The following PARVA variants were observed in gnomAD, a reference collection of about 807,000 sequenced individuals.
The protein encoded by PARVA is alpha-parvin.
A neutral mutation model predicts 52.6 loss-of-function variants in PARVA; 25 were observed. The observed-to-expected ratio is 0.48, with a 90% CI of 0.35 to 0.66. The LOEUF is 0.66. Ranked by LOEUF, PARVA falls within the 30% of genes least tolerant of loss-of-function variation. The pLI, the probability that PARVA is intolerant of heterozygous loss-of-function variation, is 0.01. For missense variants in PARVA, 373 were observed against 450.9 expected, an observed-to-expected ratio of 0.83 and a Z score of 1.56; for synonymous variants, 185 against 179.1, an observed-to-expected ratio of 1.03 and a Z score of -0.26.
rs369333129 is a variant in PARVA, at chr11:12,414,274, T to G, written c.136+36491T>G. On this transcript the variant is annotated intron_variant, in intron 1 of 12. Transcript: ENST00000334956. ...AACAAAAAGAGCTAGAGATGCCCGT[T>G]AGGAGTTTACATTTTACAACAGCCC... is the stretch of plus-strand genomic sequence containing the variant. Among the ~76,000 whole-genome samples the G allele has an allele frequency of 7.2e-5, 11 of 152,352 alleles. No individual in the cohort carries two copies. The East Asian group carries it at 1.3e-3, about 19-fold the overall frequency.
intron 1 of PARVA, 98 bp downstream of exon 1, chr11:12,377,881 GGTGCCCGGCGCGGTGGGGCGCGC>G (rs1565320868): frequency 1.2e-6 from 1 of 805,236 alleles, no homozygotes; most frequent in Non-Finnish European, 1.6e-6. Flanking sequence ...GCGCGCCGCG[GGTGCCCGGCGCGGTGGGGCGCGC>G]GGCGATGCGT....
chr11:12,419,030 G>T lies in PARVA; in HGVS notation c.136+41247G>T, dbSNP rs541937703. ...AATAACTTGCCGAAGTTATTAAGTG[G>T]TTGAATTTATGAAGTAACCAGGCTC... is the stretch of plus-strand genomic sequence containing the variant. On this transcript the variant is annotated intron_variant, in intron 1 of 12. Coordinates refer to ENST00000334956, the MANE Select transcript of PARVA (RefSeq NM_018222.5). Among the ~76,000 whole-genome samples, 52 of 152,244 alleles carry T rather than the reference G, an allele frequency of 3.4e-4. No homozygotes were observed. In the Middle Eastern group the frequency reaches 0.01, roughly 30 times the overall value.
chr11:12,379,538 A>G lies in PARVA; in HGVS notation c.136+1755A>G, dbSNP rs530806392. ...ACTAGGTCTTCTTATATCAAATGGTATATTTGTAACCATTAATCAACTTCT... is the reference window on the plus strand; with the variant it reads ...ACTAGGTCTTCTTATATCAAATGGTGTATTTGTAACCATTAATCAACTTCT... On this transcript the variant is annotated intron_variant, in intron 1 of 12. Transcript: ENST00000334956. Among the ~76,000 whole-genome samples, 13 of 152,362 alleles carry G rather than the reference A, an allele frequency of 8.5e-5. No individual in the cohort carries two copies. In the South Asian group the frequency reaches 2.7e-3, roughly 32 times the overall value.
In PARVA at chr11:12,529,457, A is replaced by C. The variant is rs1232720961; in HGVS notation, c.*1532A>C. On this transcript the variant is annotated 3_prime_UTR_variant, in exon 13 of 13. Coordinates refer to ENST00000334956, the MANE Select transcript of PARVA (RefSeq NM_018222.5). The stretch of plus-strand genomic sequence containing the variant: ...ATCAACTGACTGAGACCTTGGGCTA[A>C]ATAATCAATTGTGCTGATATTACAT... 1 of 152,232 alleles carries C rather than the reference A, an allele frequency of 6.6e-6. No individual in the cohort carries two copies. The highest frequency in any genetic ancestry group is 1.5e-5 in the Non-Finnish European group (1 of 68,050). The allele number at this position is 152,232 out of a possible 1,614,324, so 9.4% of individuals were successfully genotyped here.
chr11:12,478,444 G>A (rs1273700137), intron 4 of PARVA: 4 of 233,630 alleles, frequency 1.7e-5, no homozygotes, highest in Non-Finnish European at 3.4e-5. Context: ...GGACAATGGG[G>A]AGAGAAAGGA....
intron 1 of PARVA, among the ~76,000 whole-genome samples, chr11:12,431,202 C>A (rs1312818564): frequency 2.6e-5 from 4 of 152,246 alleles, no homozygotes; most frequent in Admixed American, 6.5e-5. Context: ...CTTGTCCCCA[C>A]TGGGGCCTGC....
chr11:12,472,411 C>T (rs992844280), intron 1 of PARVA, among the ~76,000 whole-genome samples: 4 of 152,150 alleles, frequency 2.6e-5, no homozygotes, highest in East Asian at 1.9e-4. Flanking sequence ...ATGAAATAGT[C>T]GGTGTCTGTG....
At chr11:12,494,061 A>G (rs1439828385) in intron 4 of PARVA, among the ~76,000 whole-genome samples, 12 of 152,240 alleles carry the variant, frequency 7.9e-5, no homozygotes, top group Admixed American at 2.0e-4. Context: ...TCAGGAAGGC[A>G]CTTAGGTTTA....
At chr11:12,522,707 C>A (rs1941653744) in intron 12 of PARVA, among the ~76,000 whole-genome samples, 2 of 151,898 alleles carry the variant, frequency 1.3e-5, no homozygotes, top group African/African-American at 4.8e-5. Flanking sequence ...GCGTGAGCCA[C>A]CCTGCCCGGC....
intron 4 of PARVA, 133 bp from the exon 5 acceptor site, chr11:12,496,324 CA>C: frequency 9.1e-6 from 4 of 440,702 alleles, no homozygotes; most frequent in Non-Finnish European, 1.4e-5. Context: ...TGCTGGTAGG[CA>C]TCCAGTATCT....
At position 12,454,717 on chromosome 11, in the gene PARVA, C is replaced by G. The variant is rs150170041; in HGVS notation, c.137-19028C>G. ...CCAATCTTGGCTTCATTCACACTTC[C>G]CATCTGACCCTCTGCCCCTGCTGGA... On this transcript the variant is annotated intron_variant, in intron 1 of 12. Coordinates refer to ENST00000334956, the MANE Select transcript of PARVA (RefSeq NM_018222.5). 2.1e-3 allele frequency among the ~76,000 whole-genome samples: 318 copies of G among 152,270 alleles called. 3 individuals are homozygous for G. The highest frequency in any genetic ancestry group is 7.3e-3 in the African/African-American group (304 of 41,532).
chr11:12,501,802 T>A (rs1294838610), intron 5 of PARVA, among the ~76,000 whole-genome samples: 1 of 152,172 alleles, frequency 6.6e-6, no homozygotes, highest in Non-Finnish European at 1.5e-5. Flanking sequence ...ATTGAATGAG[T>A]CTGACATCTA....
chr11:12,434,238 C>T (rs1393112630), intron 1 of PARVA, among the ~76,000 whole-genome samples: 3 of 152,162 alleles, frequency 2.0e-5, no homozygotes, highest in African/African-American at 7.2e-5. Flanking sequence ...CACATACTGA[C>T]ACCGAGGAGT....
chr11:12,533,974 CT>C lies in PARVA; in HGVS notation c.*6050del, dbSNP rs1941804924. 6.6e-6 allele frequency among the ~76,000 whole-genome samples: 1 copy of C among 152,048 alleles called. No individual in the cohort carries two copies. On this transcript the variant is annotated 3_prime_UTR_variant, in exon 13 of 13. Transcript: ENST00000334956. The stretch of plus-strand genomic sequence containing the variant: ...ACAAGGTCAGGAGATTGAGACTATC[CT>C]GGCTAATATGGTGAAACCCCGTCTG...
chr11:12,496,380 A>G (rs1271127017), intron 4 of PARVA, 78 bp from the exon 5 acceptor site: 1 of 1,112,552 alleles, frequency 9.0e-7, no homozygotes, highest in Non-Finnish European at 1.2e-6. Context: ...GAGAGACCGA[A>G]TAACTGAGTA....
intron 1 of PARVA, among the ~76,000 whole-genome samples, chr11:12,441,274 G>T (rs1040372337): frequency 6.6e-6 from 1 of 152,034 alleles, no homozygotes; most frequent in Admixed American, 6.6e-5. Flanking sequence ...AGATGCAAAA[G>T]ATTAGACCAT....
chr11:12,439,155 A>G (rs1279294588), intron 1 of PARVA, among the ~76,000 whole-genome samples: 4 of 152,216 alleles, frequency 2.6e-5, no homozygotes, highest in Non-Finnish European at 5.9e-5. Flanking sequence ...CTTTAGGAAC[A>G]GTAATTCTTT....
Position 12,504,773 on chromosome 11 carries a change from G to GT in PARVA, c.657+344_657+345insT, listed in dbSNP as rs879915051. ...CATGGGGTCAGGAGGAAAGGTATGT[G>GT]GGTGTGTGTGTGTGTGTGTGAGTTT... On this transcript the variant is annotated intron_variant, in intron 6 of 12. Transcript: ENST00000334956. 4.6e-4 allele frequency among the ~76,000 whole-genome samples: 38 copies of GT among 82,546 alleles called. No individual in the cohort carries two copies. The South Asian group carries it at 6.2e-3, about 13-fold the overall frequency. 54.2% of individuals were successfully genotyped at this position (82,546 alleles called of 152,430 possible).
intron 1 of PARVA, 111 bp downstream of exon 1, chr11:12,377,894 G>A: frequency 1.7e-6 from 1 of 590,456 alleles, no homozygotes; most frequent in Non-Finnish European, 2.4e-6. Flanking sequence ...GCCCGGCGCG[G>A]TGGGGCGCGC....
Sources: gnomAD v4.1 joint callset for allele counts (sites outside exome capture counted in the v4.1 genomes callset) on GRCh38, gnomAD v4.1.1 for gene constraint, MANE v1.5 for transcripts, NCBI Gene and HGNC (gene_info 2026-07-23, HGNC 2026-07-21) for gene names.